EBF1: variants seen among roughly 807,000 people sequenced by gnomAD.
The protein encoded by EBF1 is EBF transcription factor 1, also known as transcription factor COE1.
EBF1 carries 10 observed loss-of-function variants against 68.4 expected under a neutral mutation model. The ratio of observed to expected loss-of-function variants is 0.15; its 90% CI spans 0.09 to 0.25. EBF1 has a LOEUF of 0.25. EBF1 is among the 10% of genes least tolerant of loss of function. The pLI is 1.00. For synonymous variants in EBF1, 298 were observed against 299.8 expected, an observed-to-expected ratio of 0.99 and a Z score of 0.06; for missense variants, 509 against 794.4, an observed-to-expected ratio of 0.64 and a Z score of 4.32.
intron 6 of EBF1, among the ~76,000 whole-genome samples, chr5:158,907,760 TA>T (rs141106140): frequency 0.14 from 20,389 of 147,910 alleles, 1,465 homozygotes; most frequent in African/African-American, 0.17. Flanking sequence ...GTCAACAATA[TA>T]AAAAAAAAAC....
chr5:158,910,388 G>C (rs1309128809), intron 6 of EBF1, among the ~76,000 whole-genome samples: 4 of 152,198 alleles, frequency 2.6e-5, no homozygotes, highest in African/African-American at 9.6e-5. Flanking sequence ...ATGGTACTTA[G>C]AAATTCGTGG....
At chr5:159,009,896 C>T (rs1764289146) in intron 6 of EBF1, among the ~76,000 whole-genome samples, 1 of 152,156 alleles carries the variant, frequency 6.6e-6, no homozygotes, top group African/African-American at 2.4e-5. Context: ...TTTATCTCTG[C>T]ATAATTTGTG....
intron 6 of EBF1, among the ~76,000 whole-genome samples, chr5:158,904,105 C>T (rs956128794): frequency 2.0e-5 from 3 of 152,176 alleles, no homozygotes; most frequent in African/African-American, 7.2e-5. Context: ...GGTGCCACAC[C>T]ACCAAAGCAA....
At position 158,979,135 on chromosome 5, in the gene EBF1, G is replaced by T. The variant is rs556439167; in HGVS notation, c.554+94261C>A. On this transcript the variant is annotated intron_variant, in intron 6 of 15. Coordinates refer to ENST00000313708, the MANE Select transcript of EBF1 (RefSeq NM_024007.5). ...GAGAAAAAAGAAGAAAGTGAAAAAG[G>T]TTTGGAGACTATAGGAAAACAGAGA... Among the ~76,000 whole-genome samples, 29 of 152,284 alleles carry T rather than the reference G, an allele frequency of 1.9e-4. No individual in the cohort carries two copies. The South Asian group carries it at 5.8e-3, about 30-fold the overall frequency.
At chr5:158,965,108 G>A (rs1489956215) in intron 6 of EBF1, among the ~76,000 whole-genome samples, 3 of 152,242 alleles carry the variant, frequency 2.0e-5, no homozygotes, top group South Asian at 2.1e-4. Flanking sequence ...TCACTAACTC[G>A]TTATGTAAGT....
At chr5:158,993,333 C>A (rs1485090047) in intron 6 of EBF1, among the ~76,000 whole-genome samples, 2 of 152,166 alleles carry the variant, frequency 1.3e-5, no homozygotes, top group East Asian at 3.9e-4. Context: ...CAGGCATGAG[C>A]CACCATGCCT....
At chr5:158,726,797 G>A (rs182482703) in intron 11 of EBF1, among the ~76,000 whole-genome samples, 1 of 152,316 alleles carries the variant, frequency 6.6e-6, no homozygotes, top group Non-Finnish European at 1.5e-5. Flanking sequence ...TGACGGCAGT[G>A]AGGCTACCGA....
At chr5:158,885,581 C>T (rs1799884876) in intron 6 of EBF1, among the ~76,000 whole-genome samples, 2 of 152,158 alleles carry the variant, frequency 1.3e-5, no homozygotes, top group African/African-American at 4.8e-5. Context: ...ATCATCATAT[C>T]ATCAGAGTTT....
chr5:159,096,620 C>T (rs1782657673), intron 2 of EBF1: 2 of 630,442 alleles, frequency 3.2e-6, no homozygotes, highest in Non-Finnish European at 5.6e-6. Flanking sequence ...TTCCGTCGGG[C>T]GCACACAGGC....
chr5:158,792,046 A>G (rs955107794), intron 9 of EBF1, among the ~76,000 whole-genome samples: 1 of 152,184 alleles, frequency 6.6e-6, no homozygotes, highest in Non-Finnish European at 1.5e-5. Flanking sequence ...ATGTTGGTAG[A>G]AAAGCAAAAC....
chr5:158,748,188 A>C (rs988457536), intron 10 of EBF1, among the ~76,000 whole-genome samples: 3 of 152,218 alleles, frequency 2.0e-5, no homozygotes, highest in African/African-American at 7.2e-5. Flanking sequence ...AGTTGCCAGA[A>C]TGGATCACAC....
In EBF1 at chr5:158,959,399, C is replaced by T. The variant is rs550489851; in HGVS notation, c.554+113997G>A. On this transcript the variant is annotated intron_variant, in intron 6 of 15. Coordinates refer to ENST00000313708, the MANE Select transcript of EBF1 (RefSeq NM_024007.5). Reference sequence around the variant, plus strand: ...CTCTGTCTCCAGCGTTCAAGAGATTCTTCTGCCTCAGCCTCCTGAGTAGCT... The same window carrying T: ...CTCTGTCTCCAGCGTTCAAGAGATTTTTCTGCCTCAGCCTCCTGAGTAGCT... 2.0e-5 allele frequency among the ~76,000 whole-genome samples: 3 copies of T among 150,796 alleles called. No homozygotes were observed. In the South Asian group the frequency reaches 6.3e-4, roughly 32 times the overall value.
intron 9 of EBF1, among the ~76,000 whole-genome samples, chr5:158,791,829 A>C (rs929255079): frequency 6.6e-6 from 1 of 152,154 alleles, no homozygotes; most frequent in African/African-American, 2.4e-5. Context: ...AATTTGCTGC[A>C]TGGAAGCAAG....
chr5:158,723,232 C>T (rs1762303216), intron 11 of EBF1, among the ~76,000 whole-genome samples: 1 of 152,194 alleles, frequency 6.6e-6, no homozygotes, highest in Non-Finnish European at 1.5e-5. Flanking sequence ...CACTTGCCTC[C>T]TTCCCTAACC....
Position 158,883,348 on chromosome 5 carries a change from GTATA to G in EBF1, c.555-43242_555-43239del, listed in dbSNP as rs10615867. Among the ~76,000 whole-genome samples, 431 of 148,460 alleles carry G rather than the reference GTATA, an allele frequency of 2.9e-3. 3 individuals carry two copies. Among genetic ancestry groups the G allele is most frequent in the African/African-American group, 9.2e-3 (365 of 39,748 alleles). ...TATATATACACACACATACATGCAT[GTATA>G]TATATATATACACATACATACATGT... On this transcript the variant is annotated intron_variant, in intron 6 of 15. Transcript: ENST00000313708.
intron 10 of EBF1, among the ~76,000 whole-genome samples, chr5:158,736,988 C>T (rs1765313594): frequency 6.6e-6 from 1 of 152,166 alleles, no homozygotes. Context: ...AACGGCACAC[C>T]AGGTCACCTC....
chr5:158,970,460 G>A (rs1755415552), intron 6 of EBF1, among the ~76,000 whole-genome samples: 1 of 152,160 alleles, frequency 6.6e-6, no homozygotes, highest in Non-Finnish European at 1.5e-5. Context: ...AACCCAGTTT[G>A]TTTACAGGAA....
At chr5:158,873,055 T>C (rs1333596786) in intron 6 of EBF1, among the ~76,000 whole-genome samples, 1 of 131,438 alleles carries the variant, frequency 7.6e-6, no homozygotes, top group Non-Finnish European at 1.6e-5. Context: ...AGATCCACAA[T>C]GGCTTAAAAC....
chr5:159,055,599 C>T (rs1464968461), intron 6 of EBF1, among the ~76,000 whole-genome samples: 2 of 152,164 alleles, frequency 1.3e-5, no homozygotes, highest in African/African-American at 4.8e-5. Flanking sequence ...CATATTAGAA[C>T]TATTAGTACC....
Sources: allele counts gnomAD v4.1 joint callset (sites outside exome capture counted in the v4.1 genomes callset), GRCh38; gene constraint gnomAD v4.1.1; transcripts MANE v1.5; gene names NCBI Gene and HGNC (gene_info 2026-07-23, HGNC 2026-07-21).